The following NCK1 variants were observed in gnomAD, a reference collection of about 807,000 sequenced individuals.
NCK1 encodes SH2/SH3 adapter protein NCK1.
In NCK1, 19 loss-of-function variants were observed where a neutral mutation model predicts 36.6. The observed-to-expected ratio is 0.52, with a 90% CI of 0.36 to 0.76. The LOEUF (loss-of-function observed/expected upper bound fraction) is 0.76, where lower values mean the gene tolerates loss of function less well. Among genes scored for constraint, NCK1 ranks in the 30% least tolerant of loss-of-function variants. The pLI, the probability that NCK1 is intolerant of heterozygous loss-of-function variation, is 0.00. For synonymous variants in NCK1, 165 were observed against 156.0 expected, an observed-to-expected ratio of 1.06 and a Z score of -0.43; for missense variants, 358 against 445.6, an observed-to-expected ratio of 0.80 and a Z score of 1.77.
intron 1 of NCK1, among the ~76,000 whole-genome samples, chr3:136,907,798 T>C (rs1939725019): frequency 6.6e-6 from 1 of 152,244 alleles, no homozygotes; most frequent in Non-Finnish European, 1.5e-5. Context: ...AATTGAATAC[T>C]GTCCATGACT....
intron 1 of NCK1, among the ~76,000 whole-genome samples, chr3:136,868,008 C>T (rs1246304753): frequency 3.3e-5 from 5 of 151,930 alleles, no homozygotes; most frequent in African/African-American, 1.2e-4. Flanking sequence ...ACCTCCGCCT[C>T]TCGGGTTCAA....
intron 1 of NCK1, among the ~76,000 whole-genome samples, chr3:136,914,117 G>A (rs1939898182): frequency 6.6e-6 from 1 of 152,218 alleles, no homozygotes; most frequent in Non-Finnish European, 1.5e-5. Flanking sequence ...GCGGGGAGCA[G>A]TGGCCTCTAG....
intron 2 of NCK1, among the ~76,000 whole-genome samples, chr3:136,931,904 G>A (rs1940399469): frequency 6.6e-6 from 1 of 152,128 alleles, no homozygotes; most frequent in African/African-American, 2.4e-5. Context: ...TGGATCACTT[G>A]AGGTCAGGAG....
intron 1 of NCK1, among the ~76,000 whole-genome samples, chr3:136,866,010 T>A (rs1000411006): frequency 6.6e-6 from 1 of 152,174 alleles, no homozygotes; most frequent in Non-Finnish European, 1.5e-5. Context: ...TTTTGCTTGA[T>A]TTTTCTCTCT....
chr3:136,917,014 G>A (rs1012210614), intron 1 of NCK1, among the ~76,000 whole-genome samples: 1 of 152,152 alleles, frequency 6.6e-6, no homozygotes, highest in African/African-American at 2.4e-5. Context: ...AGATAAACAA[G>A]TTGCCTAAGG....
intron 1 of NCK1, among the ~76,000 whole-genome samples, chr3:136,920,421 G>C (rs1195388095): frequency 1.3e-5 from 2 of 152,118 alleles, no homozygotes; most frequent in Non-Finnish European, 2.9e-5. Context: ...TGTTTATTGA[G>C]TAGTTAGTGG....
intron 1 of NCK1, chr3:136,899,279 A>C: frequency 4.0e-6 from 1 of 250,820 alleles, no homozygotes; most frequent in Non-Finnish European, 8.2e-6. Flanking sequence ...CATCTGAAGA[A>C]AGATAAATCT....
At position 136,867,148 on chromosome 3, in the gene NCK1, C is replaced by T. The variant is rs1376841561; in HGVS notation, c.-19+4795C>T. ...TCTTTCTTTCCTTCCTTCCTTCCTT[C>T]CTTCCTTCCTTCCTTCCTTCCTTCC... On this transcript the variant is annotated intron_variant, in intron 1 of 3. Coordinates refer to ENST00000481752, the MANE Select transcript of NCK1 (RefSeq NM_001291999.2). Among the ~76,000 whole-genome samples, 4 of 56,398 alleles carry T rather than the reference C, an allele frequency of 7.1e-5. 1 individual carries two copies. The highest frequency in any genetic ancestry group is 1.1e-4 in the Non-Finnish European group (3 of 27,474). The allele number at this position is 56,398 out of a possible 152,430, so 37.0% of individuals were successfully genotyped here. A position where few individuals can be genotyped will look rare whatever the true frequency, so the allele number is the denominator to read the frequency against.
intron 1 of NCK1, among the ~76,000 whole-genome samples, chr3:136,876,635 C>T (rs970720082): frequency 6.6e-6 from 1 of 151,298 alleles, no homozygotes; most frequent in Non-Finnish European, 1.5e-5. Flanking sequence ...TCCTGATTTT[C>T]TTTAATAGAG....
chr3:136,862,656 G>A (rs1443738992), intron 1 of NCK1, among the ~76,000 whole-genome samples: 1 of 15,858 alleles, frequency 6.3e-5, no homozygotes, highest in Non-Finnish European at 1.5e-4. Flanking sequence ...GCCCGTGCGA[G>A]CCTGGGAGGT....
chr3:136,893,191 T>TACACACACACACACAC (rs1204636247), intron 1 of NCK1, among the ~76,000 whole-genome samples: 3 of 38,820 alleles, frequency 7.7e-5, no homozygotes, highest in Admixed American at 3.3e-4. Flanking sequence ...TATATATATA[T>TACACACACACACACAC]ACACACATGT....
At chr3:136,901,057 C>T (rs2108100091) in intron 1 of NCK1, among the ~76,000 whole-genome samples, 1 of 152,098 alleles carries the variant, frequency 6.6e-6, no homozygotes, top group East Asian at 1.9e-4. Context: ...CATATATGAC[C>T]TTTGTTATGT....
rs188700949 is a variant in NCK1 at position 136,948,194 on chromosome 3, A to C, written c.940-65A>C. On this transcript the variant is annotated intron_variant, in intron 3 of 3. Coordinates refer to ENST00000481752, the MANE Select transcript of NCK1 (RefSeq NM_001291999.2). ...TGCTTAGATTTTAGCTTTTAGTTTA[A>C]TATAAAAATACTGATAGAGGGCTTT... 239 of 1,277,280 alleles carry C rather than the reference A, an allele frequency of 1.9e-4. No individual in the cohort carries two copies. In the African/African-American group the frequency reaches 3.4e-3, roughly 18 times the overall value. 79.1% of individuals were successfully genotyped at this position (1,277,280 alleles called of 1,614,324 possible).
At chr3:136,891,096 C>T (rs763798996) in intron 1 of NCK1, among the ~76,000 whole-genome samples, 93 of 152,216 alleles carry the variant, frequency 6.1e-4, no homozygotes, top group Non-Finnish European at 1.0e-3. Context: ...GGTACTGTTC[C>T]GTTGAATCTA....
At chr3:136,879,086 A>G (rs1472970869) in intron 1 of NCK1, among the ~76,000 whole-genome samples, 1 of 151,366 alleles carries the variant, frequency 6.6e-6, no homozygotes, top group African/African-American at 2.4e-5. Context: ...CATATAAGAA[A>G]CCTCTTAAAA....
chr3:136,909,673 G>C (rs752046581), intron 1 of NCK1, among the ~76,000 whole-genome samples: 6 of 152,114 alleles, frequency 3.9e-5, no homozygotes, highest in Non-Finnish European at 5.9e-5. Context: ...TGAGAGTCAG[G>C]TATTGAAGTT....
At chr3:136,916,246 A>G (rs912055503) in intron 1 of NCK1, among the ~76,000 whole-genome samples, 3 of 152,248 alleles carry the variant, frequency 2.0e-5, no homozygotes, top group African/African-American at 7.2e-5. Flanking sequence ...TTTGTGATTA[A>G]AAATGACATA....
chr3:136,880,425 C>G (rs1165668212), intron 1 of NCK1, among the ~76,000 whole-genome samples: 1 of 152,020 alleles, frequency 6.6e-6, no homozygotes, highest in Non-Finnish European at 1.5e-5. Context: ...GACACAGAGA[C>G]AGAACACCAG....
intron 1 of NCK1, among the ~76,000 whole-genome samples, chr3:136,914,721 CA>C (rs1399743676): frequency 6.6e-6 from 1 of 152,138 alleles, no homozygotes; most frequent in Non-Finnish European, 1.5e-5. Flanking sequence ...GGCTTCCAGC[CA>C]GAAGATATTG....
Sources: gnomAD v4.1 joint callset for allele counts (sites outside exome capture counted in the v4.1 genomes callset) on GRCh38, gnomAD v4.1.1 for gene constraint, MANE v1.5 for transcripts, NCBI Gene and HGNC (gene_info 2026-07-23, HGNC 2026-07-21) for gene names.